The following RIC8B variants were observed in gnomAD, a reference collection of about 807,000 sequenced individuals.
RIC8B encodes RIC8 guanine nucleotide exchange factor B, also known as chaperone Ric-8B.
A neutral mutation model predicts 57.5 loss-of-function variants in RIC8B; 16 were observed. The observed-to-expected ratio is 0.28, with a 90% CI of 0.19 to 0.42. RIC8B has a LOEUF of 0.42. Ranked by LOEUF, RIC8B falls within the 10% of genes least tolerant of loss-of-function variation. The pLI, the probability that RIC8B is intolerant of heterozygous loss-of-function variation, is 1.00. For synonymous variants in RIC8B, 216 were observed against 250.8 expected, an observed-to-expected ratio of 0.86 and a Z score of 1.31; for missense variants, 481 against 677.0, an observed-to-expected ratio of 0.71 and a Z score of 3.21.
intron 6 of RIC8B, among the ~76,000 whole-genome samples, chr12:106,844,689 G>A (rs935013839): frequency 1.3e-5 from 2 of 152,218 alleles, no homozygotes; most frequent in African/African-American, 4.8e-5. Context: ...ATGGATGCAA[G>A]GAGACAAGTC....
intron 6 of RIC8B, among the ~76,000 whole-genome samples, chr12:106,849,421 G>A (rs2136456458): frequency 6.7e-6 from 1 of 149,918 alleles, no homozygotes; most frequent in Non-Finnish European, 1.5e-5. Flanking sequence ...CCAAAGCGCT[G>A]GGATTACAGG....
At position 106,879,349 on chromosome 12, in the gene RIC8B, G is replaced by T; in HGVS notation, c.1572-6555G>T. 1.0e-6 allele frequency: 1 copy of T among 985,208 alleles called. No individual in the cohort carries two copies. Among genetic ancestry groups the T allele is most frequent in the South Asian group, 4.7e-5 (1 of 21,276 alleles). 61.0% of individuals were successfully genotyped at this position (985,208 alleles called of 1,614,324 possible). On this transcript the variant is annotated intron_variant, in intron 9 of 9. Transcript: ENST00000392837. This position sits in a 1 kb window ranked among gnomAD's most constrained non-coding sequence, Gnocchi z 4.9. ...GACCTATTCTATATTGTGCGATTGG[G>T]TATGTTAGTATCTGAACCCCAATTT...
chr12:106,828,700 C>G (rs1421900175), intron 4 of RIC8B, among the ~76,000 whole-genome samples: 1 of 152,196 alleles, frequency 6.6e-6, no homozygotes, highest in Non-Finnish European at 1.5e-5. Context: ...GCTGCTGCCA[C>G]CACTGCCACT....
At chr12:106,802,534 ATTTTTTTTTTT>A (rs34706345) in intron 2 of RIC8B, among the ~76,000 whole-genome samples, 5 of 102,160 alleles carry the variant, frequency 4.9e-5, no homozygotes, top group African/African-American at 7.6e-5. Context: ...CAATATGAGA[ATTTTTTTTTTT>A]TTTTTTTTTT....
intron 2 of RIC8B, among the ~76,000 whole-genome samples, chr12:106,800,238 A>G (rs538302277): frequency 6.6e-6 from 1 of 152,320 alleles, no homozygotes; most frequent in Admixed American, 6.5e-5. Context: ...ATTGGCTCAC[A>G]GTTCTACAGG....
intron 9 of RIC8B, chr12:106,878,877 G>A (rs1950796948): frequency 2.0e-6 from 1 of 488,054 alleles, no homozygotes; most frequent in African/African-American, 2.1e-5. Context: ...TTACATAAAA[G>A]GATCGGAACT....
intron 9 of RIC8B, among the ~76,000 whole-genome samples, chr12:106,872,351 G>A (rs1047838686): frequency 3.3e-5 from 5 of 152,108 alleles, no homozygotes; most frequent in Admixed American, 1.3e-4. Flanking sequence ...GAAACACAGG[G>A]GTATAAAAAC....
At chr12:106,831,602 ATCTT>A (rs2046354458) in intron 4 of RIC8B, among the ~76,000 whole-genome samples, 1 of 152,234 alleles carries the variant, frequency 6.6e-6, no homozygotes, top group African/African-American at 2.4e-5. Flanking sequence ...CTTCAAATAC[ATCTT>A]AGCATGGCCA....
intron 3 of RIC8B, among the ~76,000 whole-genome samples, chr12:106,824,206 G>A (rs1156520982): frequency 2.0e-5 from 3 of 152,244 alleles, no homozygotes; most frequent in Non-Finnish European, 4.4e-5. Flanking sequence ...TATATTGAAA[G>A]CATTAAAGCA....
At position 106,853,829 on chromosome 12, in the gene RIC8B, A is replaced by G. The variant is rs141237146; in HGVS notation, c.1306+2235A>G. Among the ~76,000 whole-genome samples, 137 of 152,312 alleles carry G rather than the reference A, an allele frequency of 9.0e-4. No individual in the cohort carries two copies. In the East Asian group the frequency reaches 0.021, roughly 24 times the overall value. On this transcript the variant is annotated intron_variant, in intron 7 of 9. Coordinates refer to ENST00000392837, the MANE Select transcript of RIC8B (RefSeq NM_001330145.2). The stretch of plus-strand genomic sequence containing the variant: ...TAGTAAATGTATTCTTCCGGAATAA[A>G]CAGACATTTGTTCAACAAATGTTTT...
intron 4 of RIC8B, 26 bp from the exon 5 acceptor site, chr12:106,842,563 A>G (rs1240098289): frequency 6.4e-7 from 1 of 1,550,530 alleles, no homozygotes; most frequent in Non-Finnish European, 8.9e-7. Flanking sequence ...AAGTTAAAAT[A>G]TTGTATTTTT....
At chr12:106,785,781 C>T (rs2043977011) in intron 2 of RIC8B, among the ~76,000 whole-genome samples, 1 of 136,880 alleles carries the variant, frequency 7.3e-6, no homozygotes, top group Admixed American at 7.6e-5. Context: ...CATGTGTATT[C>T]TATGTCTCTC....
intron 3 of RIC8B, among the ~76,000 whole-genome samples, chr12:106,824,403 A>G (rs1335721581): frequency 3.3e-5 from 5 of 152,128 alleles, no homozygotes; most frequent in African/African-American, 7.2e-5. Context: ...CTTCTCATCC[A>G]GCTCTATACA....
chr12:106,851,686 A>G (rs1468233006), intron 7 of RIC8B, 92 bp downstream of exon 7: 1 of 1,104,454 alleles, frequency 9.1e-7, no homozygotes, highest in Non-Finnish European at 1.3e-6. Flanking sequence ...GTCTCATTCC[A>G]TTCTTTCCAA....
At chr12:106,804,662 A>G (rs1025409598) in intron 2 of RIC8B, among the ~76,000 whole-genome samples, 1 of 152,236 alleles carries the variant, frequency 6.6e-6, no homozygotes, top group Non-Finnish European at 1.5e-5. Flanking sequence ...CATACTTAGT[A>G]TGTATGTTTG....
intron 2 of RIC8B, among the ~76,000 whole-genome samples, chr12:106,792,967 A>C (rs1191469039): frequency 6.6e-6 from 1 of 152,182 alleles, no homozygotes; most frequent in Non-Finnish European, 1.5e-5. Flanking sequence ...CTGTCTTCAC[A>C]GGAGTGATGG....
intron 9 of RIC8B, among the ~76,000 whole-genome samples, chr12:106,881,383 C>T (rs1950926010): frequency 1.3e-5 from 2 of 151,366 alleles, no homozygotes; most frequent in African/African-American, 4.9e-5. Context: ...GCCTGCTTGC[C>T]AGTCCCTGCA....
chr12:106,778,764 T>C (rs1442714678), intron 1 of RIC8B, among the ~76,000 whole-genome samples: 1 of 152,194 alleles, frequency 6.6e-6, no homozygotes, highest in East Asian at 1.9e-4. Context: ...AGTTTCTTTT[T>C]CAGGAGTGGT....
intron 9 of RIC8B, among the ~76,000 whole-genome samples, chr12:106,872,045 T>TA (rs1168973436): frequency 2.6e-5 from 4 of 152,232 alleles, no homozygotes; most frequent in African/African-American, 9.6e-5. Context: ...ACAAAGCTAA[T>TA]AAGACTAGAA....
Sources: gnomAD v4.1 joint callset for allele counts (sites outside exome capture counted in the v4.1 genomes callset) on GRCh38, gnomAD v4.1.1 for gene constraint, Gnocchi (gnomAD v3.1) non-coding constraint, MANE v1.5 for transcripts, NCBI Gene and HGNC (gene_info 2026-07-23, HGNC 2026-07-21) for gene names.